Variants in KIF16B observed in about 807,000 individuals in gnomAD.
KIF16B encodes the protein kinesin-like protein KIF16B.
Under a neutral mutation model 156.3 loss-of-function variants are expected in KIF16B, and 98 were observed. The observed-to-expected ratio is 0.63, with a 90% CI of 0.53 to 0.74. The LOEUF is 0.74. Among genes scored for constraint, KIF16B ranks in the 30% least tolerant of loss-of-function variants. The pLI, the probability that KIF16B is intolerant of heterozygous loss-of-function variation, is 0.00. For synonymous variants in KIF16B, 564 were observed against 583.7 expected (o/e 0.97, Z 0.49); for missense variants, 1,421 against 1,606.5 (o/e 0.88, Z 1.97).
At chr20:16,276,709 G>T (rs754485800) in intron 25 of KIF16B, among the ~76,000 whole-genome samples, 2 of 152,100 alleles carry the variant, frequency 1.3e-5, no homozygotes, top group Non-Finnish European at 2.9e-5. Flanking sequence ...AAGGGACTGG[G>T]GCTACAGCTG....
intron 25 of KIF16B, among the ~76,000 whole-genome samples, chr20:16,309,245 G>C (rs2063584694): frequency 6.6e-6 from 1 of 152,206 alleles, no homozygotes; most frequent in African/African-American, 2.4e-5. Context: ...GGTATCAGTG[G>C]AGCAGATAGA....
intron 15 of KIF16B, among the ~76,000 whole-genome samples, chr20:16,414,794 A>G (rs1419586202): frequency 6.6e-6 from 1 of 152,120 alleles, no homozygotes; most frequent in Non-Finnish European, 1.5e-5. Context: ...TGCGAGAAAC[A>G]AAAAGAGCAC....
intron 1 of KIF16B, among the ~76,000 whole-genome samples, chr20:16,540,580 G>T (rs943679575): frequency 1.3e-5 from 2 of 152,052 alleles, no homozygotes; most frequent in Non-Finnish European, 2.9e-5. Flanking sequence ...ACCTTCCCAT[G>T]GTACTGAGTA....
At position 16,526,121 on chromosome 20, in the gene KIF16B, T is replaced by C. The variant is rs762533387; in HGVS notation, c.202A>G (p.Lys68Glu). ...TCTTGTGAAACGTAATCTGGGCTTT[T>C]TGTATCAGCAGAATAAAAAGAAAAG... ...YDFSFYSADTKSPDYVSQEMV... is the reference protein window; with the variant it reads ...YDFSFYSADTESPDYVSQEMV... Residue 68 changes from lysine (K) to glutamate (E), a missense_variant, in exon 3 of 26, where the codon AAA (lysine) becomes GAA (glutamate). Transcript: ENST00000354981. 6 of 1,603,886 alleles carry C rather than the reference T, an allele frequency of 3.7e-6. No individual in the cohort carries two copies. The South Asian group carries it at 6.8e-5, about 18-fold the overall frequency.
intron 1 of KIF16B, among the ~76,000 whole-genome samples, chr20:16,545,270 C>T (rs1015096644): frequency 1.3e-5 from 2 of 152,104 alleles, no homozygotes; most frequent in Non-Finnish European, 2.9e-5. Context: ...GTGGCACACA[C>T]CTGTAATCCC....
chr20:16,344,331 T>C (rs1417168229), intron 23 of KIF16B, among the ~76,000 whole-genome samples: 2 of 152,186 alleles, frequency 1.3e-5, no homozygotes, highest in Non-Finnish European at 2.9e-5. Flanking sequence ...GCCATCTGAT[T>C]GCTCCTCGAT....
intron 23 of KIF16B, among the ~76,000 whole-genome samples, chr20:16,349,915 T>C (rs2064302863): frequency 6.6e-6 from 1 of 152,136 alleles, no homozygotes; most frequent in African/African-American, 2.4e-5. Context: ...GTTCACACAA[T>C]GGAAAGGAGA....
chr20:16,486,272 C>T (rs1471084111), intron 12 of KIF16B, among the ~76,000 whole-genome samples: 1 of 151,770 alleles, frequency 6.6e-6, no homozygotes, highest in Non-Finnish European at 1.5e-5. Context: ...TAAACATGTG[C>T]TTAATGAAGG....
At position 16,505,770 on chromosome 20, in the gene KIF16B, A is replaced by G; in HGVS notation, c.952T>C (p.Leu318=). ...TTTCCTCCAAGGCTATCTTTTAACA[A>G]CCAAGTCAACACAGAATCCCTGTAA... ...VPYRDSVLTW[L]LKDSLGGNSK... Residue 318 remains leucine, a synonymous_variant, in exon 9 of 26, where the codon TTG becomes CTG. Transcript: ENST00000354981. 1.9e-6 allele frequency: 3 copies of G among 1,613,876 alleles called. No individual in the cohort carries two copies. Among genetic ancestry groups the G allele is most frequent in the Non-Finnish European group, 2.5e-6 (3 of 1,179,784 alleles).
At chr20:16,520,839 C>T (rs2069323276) in intron 3 of KIF16B, among the ~76,000 whole-genome samples, 1 of 152,134 alleles carries the variant, frequency 6.6e-6, no homozygotes, top group Non-Finnish European at 1.5e-5. Flanking sequence ...AAGGAACAGG[C>T]AGCATATTTC....
At chr20:16,363,323 G>A (rs1246793030) in intron 22 of KIF16B, among the ~76,000 whole-genome samples, 6 of 152,122 alleles carry the variant, frequency 3.9e-5, no homozygotes. Context: ...CCCATCCATG[G>A]AGGTACTCAA....
chr20:16,565,002 C>A (rs578208162), intron 1 of KIF16B, among the ~76,000 whole-genome samples: 1 of 151,716 alleles, frequency 6.6e-6, no homozygotes, highest in East Asian at 1.9e-4. Context: ...CTCTCTCCAA[C>A]TTGATCCTCC....
At chr20:16,275,672 C>T (rs1028739904) in intron 25 of KIF16B, among the ~76,000 whole-genome samples, 10 of 152,116 alleles carry the variant, frequency 6.6e-5, no homozygotes, top group Admixed American at 2.0e-4. Flanking sequence ...TCTCAAGAAA[C>T]GATCCTGAAA....
chr20:16,534,627 G>C (rs2069885957), intron 1 of KIF16B, among the ~76,000 whole-genome samples: 1 of 152,166 alleles, frequency 6.6e-6, no homozygotes, highest in African/African-American at 2.4e-5. Context: ...TTCTCTTCTA[G>C]TAGTTTTGTA....
intron 1 of KIF16B, among the ~76,000 whole-genome samples, chr20:16,570,222 C>G (rs1286160060): frequency 1.3e-5 from 2 of 152,108 alleles, no homozygotes; most frequent in Non-Finnish European, 1.5e-5. Context: ...ATCATCTTTA[C>G]ACATATATCT....
chr20:16,526,655 C>T (rs1455176909), intron 2 of KIF16B, among the ~76,000 whole-genome samples: 1 of 152,204 alleles, frequency 6.6e-6, no homozygotes, highest in African/African-American at 2.4e-5. Flanking sequence ...CCCTTGGACA[C>T]TCCATGGAGA....
chr20:16,417,712 GA>G (rs1266921013), intron 15 of KIF16B, among the ~76,000 whole-genome samples: 3 of 151,942 alleles, frequency 2.0e-5, no homozygotes, highest in Non-Finnish European at 2.9e-5. Flanking sequence ...TATTACAAGT[GA>G]AAAACAAAAT....
chr20:16,347,137 C>T (rs1366924151), intron 23 of KIF16B, among the ~76,000 whole-genome samples: 1 of 152,164 alleles, frequency 6.6e-6, no homozygotes, highest in Non-Finnish European at 1.5e-5. Flanking sequence ...AGACTAGACA[C>T]AGTGCTTGGA....
At chr20:16,303,175 C>G (rs2063496393) in intron 25 of KIF16B, among the ~76,000 whole-genome samples, 1 of 152,120 alleles carries the variant, frequency 6.6e-6, no homozygotes. Flanking sequence ...ACCATTACAA[C>G]TATATAAGAT....
Sources: gnomAD v4.1 joint callset for allele counts (sites outside exome capture counted in the v4.1 genomes callset) on GRCh38, gnomAD v4.1.1 for gene constraint, MANE v1.5 for transcripts, NCBI Gene and HGNC (gene_info 2026-07-23, HGNC 2026-07-21) for gene names.